The following UGT1A6 variants were observed in gnomAD, a reference collection of about 807,000 sequenced individuals.
UGT1A6 encodes the protein UDP-glucuronosyltransferase 1A6.
UGT1A6 carries 32 observed loss-of-function variants against 44.4 expected under a neutral mutation model. The observed-to-expected ratio is 0.72, with a 90% confidence interval of 0.54 to 0.97. The LOEUF is 0.97. Ranked by LOEUF, UGT1A6 falls within the 50% of genes least tolerant of loss-of-function variation. The pLI, the probability that UGT1A6 is intolerant of heterozygous loss-of-function variation, is 0.00. For missense variants in UGT1A6, 685 were observed against 661.9 expected (o/e 1.03, Z -0.38); for synonymous variants, 238 against 248.5 (o/e 0.96, Z 0.40).
rs1407521990 is a variant in UGT1A6 at position 233,743,186 on chromosome 2, A to T, written c.862-23848A>T. On this transcript the variant is annotated intron_variant, in intron 1 of 4. Coordinates refer to ENST00000305139, the MANE Select transcript of UGT1A6 (RefSeq NM_001072.4). ...GTGCTTAAAGTCAAATGTGGACTGG[A>T]ATTACTTGGTGTCAATGCGGAGTAA... 4.3e-5 allele frequency: 16 copies of T among 372,810 alleles called. No individual in the cohort carries two copies. The East Asian group carries it at 1.2e-3, about 27-fold the overall frequency. The allele number at this position is 372,810 out of a possible 1,614,324, so 23.1% of individuals were successfully genotyped here.
At chr2:233,760,997 T>A in intron 1 of UGT1A6, 2 of 1,614,168 alleles carry the variant, frequency 1.2e-6, no homozygotes, top group South Asian at 2.2e-5. Flanking sequence ...GCCTCAGAAT[T>A]CCTTCAGAGA....
At position 233,739,624 on chromosome 2, in the gene UGT1A6, T is replaced by A. The variant is rs572450028; in HGVS notation, c.862-27410T>A. On this transcript the variant is annotated intron_variant, in intron 1 of 4. Transcript: ENST00000305139. ...TTTGTTTTGGCCAGTTTCTCCCATT[T>A]GAAATGGGAACATTTACCCAATTTC... is the stretch of plus-strand genomic sequence containing the variant. 4.6e-5 allele frequency among the ~76,000 whole-genome samples: 7 copies of A among 152,364 alleles called. No individual in the cohort carries two copies. The East Asian group carries it at 1.2e-3, about 25-fold the overall frequency.
intron 1 of UGT1A6, among the ~76,000 whole-genome samples, chr2:233,701,860 T>C (rs2075656379): frequency 6.6e-6 from 1 of 151,980 alleles, no homozygotes; most frequent in Admixed American, 6.5e-5. Context: ...TAGAGGGAAA[T>C]TTATAGCACT....
At chr2:233,746,445 G>GA (rs776336389) in intron 1 of UGT1A6, among the ~76,000 whole-genome samples, 23 of 151,700 alleles carry the variant, frequency 1.5e-4, no homozygotes, top group Non-Finnish European at 2.9e-4. Flanking sequence ...AGCTTAAAAA[G>GA]AAAGTACCTT....
chr2:233,692,874 A>G (rs1161745635), upstream of UGT1A6: 6 of 1,492,460 alleles, frequency 4.0e-6, no homozygotes, highest in African/African-American at 8.4e-5. Context: ...TCAAAGGGTA[A>G]AATTCAGAGC....
intron 1 of UGT1A6, among the ~76,000 whole-genome samples, chr2:233,701,633 T>C (rs926764680): frequency 6.6e-6 from 1 of 152,218 alleles, no homozygotes; most frequent in Non-Finnish European, 1.5e-5. Context: ...ACAGAAATTA[T>C]AGCAAACTGT....
chr2:233,762,168 C>A (rs986737504), intron 1 of UGT1A6, among the ~76,000 whole-genome samples: 2 of 152,090 alleles, frequency 1.3e-5, no homozygotes, highest in African/African-American at 2.4e-5. Flanking sequence ...CCACTGTATG[C>A]GGCGTCCTCA....
intron 1 of UGT1A6, among the ~76,000 whole-genome samples, chr2:233,698,543 T>A (rs182452303): frequency 6.6e-6 from 1 of 152,142 alleles, no homozygotes; most frequent in South Asian, 2.1e-4. Context: ...AGAACACGAG[T>A]GGCCAACAAA....
Position 233,772,815 on chromosome 2 carries a change from G to A in UGT1A6, c.*256G>A. 1 of 1,022,382 alleles carries A rather than the reference G, an allele frequency of 9.8e-7. No homozygotes were observed. The highest frequency in any genetic ancestry group is 1.3e-6 in the Non-Finnish European group (1 of 747,412). 63.3% of individuals were successfully genotyped at this position (1,022,382 alleles called of 1,614,324 possible). On this transcript the variant is annotated 3_prime_UTR_variant, in exon 5 of 5. Transcript: ENST00000305139. Reference sequence around the variant, plus strand: ...ACATGTGCCATTTTTCAGAGGACGTGCAGACAGGCTGGCATTCTAGATTAC... The same window carrying A: ...ACATGTGCCATTTTTCAGAGGACGTACAGACAGGCTGGCATTCTAGATTAC...
At chr2:233,772,125 C>T in intron 4 of UGT1A6, 137 bp from the exon 5 acceptor site, 1 of 1,536,166 alleles carries the variant, frequency 6.5e-7, no homozygotes, top group South Asian at 1.2e-5. Flanking sequence ...AAAACAACAA[C>T]AACAACAATA....
upstream of UGT1A6, chr2:233,692,741 G>A: frequency 9.7e-7 from 1 of 1,033,006 alleles, no homozygotes; most frequent in South Asian, 1.9e-5. Context: ...CAGAGAGGGA[G>A]AAGCAGACTT....
rs200412341 is a variant in UGT1A6 at position 233,760,665 on chromosome 2, C to T, written c.862-6369C>T. The T allele has an allele frequency of 2.6e-5, 42 of 1,614,226 alleles. No individual in the cohort carries two copies. The East Asian group carries it at 8.9e-4, about 34-fold the overall frequency. On this transcript the variant is annotated intron_variant, in intron 1 of 4. Transcript: ENST00000305139. ...AGGACTCTGCTATGCTTTTGTCTGG[C>T]TGTTCCCACTTACTGCACAACAAGG...
chr2:233,721,160 T>G (rs1327409494), intron 1 of UGT1A6, among the ~76,000 whole-genome samples: 1 of 152,228 alleles, frequency 6.6e-6, no homozygotes. Context: ...CACTAAACTT[T>G]ATTTTTGTTT....
At chr2:233,743,741 G>T (rs374389189) in intron 1 of UGT1A6, 6 of 1,367,230 alleles carry the variant, frequency 4.4e-6, no homozygotes, top group Non-Finnish European at 4.9e-6. Flanking sequence ...GCGTTTCTTG[G>T]CGTCCGACAA....
At chr2:233,738,068 C>G (rs1312345006) in intron 1 of UGT1A6, among the ~76,000 whole-genome samples, 1 of 152,082 alleles carries the variant, frequency 6.6e-6, no homozygotes, top group Non-Finnish European at 1.5e-5. Context: ...GGGAGGTCCC[C>G]ACCTCCTAAT....
intron 1 of UGT1A6, chr2:233,747,106 CATG>C: frequency 1.5e-6 from 2 of 1,377,620 alleles, no homozygotes; most frequent in Non-Finnish European, 2.0e-6. Context: ...CTTCCAATTA[CATG>C]ATGATTTGCT....
chr2:233,747,552 A>T, intron 1 of UGT1A6: 1 of 1,601,266 alleles, frequency 6.2e-7, no homozygotes, highest in Middle Eastern at 1.7e-4. Flanking sequence ...TTCTAAAAGT[A>T]TGGCAATTTT....
intron 1 of UGT1A6, among the ~76,000 whole-genome samples, chr2:233,696,821 G>A (rs2075360354): frequency 6.6e-6 from 1 of 152,138 alleles, no homozygotes; most frequent in Admixed American, 6.5e-5. Flanking sequence ...TTTATTGAGA[G>A]TGTGTATCAT....
chr2:233,738,821 A>G (rs1039985874), intron 1 of UGT1A6: 3 of 152,270 alleles, frequency 2.0e-5, no homozygotes, highest in African/African-American at 7.2e-5. Context: ...AATTTGAATA[A>G]ATAAGGAGGA....
Sources: gnomAD v4.1 joint callset for allele counts (sites outside exome capture counted in the v4.1 genomes callset) on GRCh38, gnomAD v4.1.1 for gene constraint, MANE v1.5 for transcripts, NCBI Gene and HGNC (gene_info 2026-07-23, HGNC 2026-07-21) for gene names.